The following ELMO1 variants were observed in gnomAD, a reference collection of about 807,000 sequenced individuals.
ELMO1 encodes engulfment and cell motility 1.
Under a neutral mutation model 98.9 loss-of-function variants are expected in ELMO1, and 26 were observed. The observed-to-expected ratio is 0.26, with a 90% CI of 0.19 to 0.36. The LOEUF (loss-of-function observed/expected upper bound fraction) is 0.36, where lower values mean the gene tolerates loss of function less well. ELMO1 is among the 10% of genes least tolerant of loss of function. The probability of loss-of-function intolerance (pLI) is 1.00; values close to 1 mark genes in which losing one functional copy is unlikely to be tolerated. For missense variants in ELMO1, 627 were observed against 935.2 expected (o/e 0.67, Z 4.30); for synonymous variants, 346 against 346.0 (o/e 1.00, Z 0.00).
chr7:36,969,988 A>T (rs1789774467), intron 16 of ELMO1, among the ~76,000 whole-genome samples: 1 of 152,134 alleles, frequency 6.6e-6, no homozygotes, highest in African/African-American at 2.4e-5. Context: ...AAATTATTAT[A>T]AAAGTCAAAC....
chr7:36,959,446 T>C (rs996844545), intron 16 of ELMO1, among the ~76,000 whole-genome samples: 4 of 152,136 alleles, frequency 2.6e-5, no homozygotes, highest in Non-Finnish European at 4.4e-5. Flanking sequence ...GCTCATAAAA[T>C]AATACCCCAA....
chr7:36,957,842 C>T lies in ELMO1; in HGVS notation c.1437+55457G>A, dbSNP rs140662023. On this transcript the variant is annotated intron_variant, in intron 16 of 21. Coordinates refer to ENST00000310758, the MANE Select transcript of ELMO1 (RefSeq NM_014800.11). ...GACACAACATCCTGTTCCCAAATACCTCGCTTTGCATGTAGCCCCAGCAGC... is the reference window on the plus strand; with the variant it reads ...GACACAACATCCTGTTCCCAAATACTTCGCTTTGCATGTAGCCCCAGCAGC... 2.3e-3 allele frequency among the ~76,000 whole-genome samples: 357 copies of T among 152,288 alleles called. 1 individual carries two copies. The highest frequency in any genetic ancestry group is 3.7e-3 in the Non-Finnish European group (254 of 68,020).
chr7:37,298,336 G>A (rs1242084487), intron 4 of ELMO1, among the ~76,000 whole-genome samples: 4 of 137,790 alleles, frequency 2.9e-5, no homozygotes, highest in Non-Finnish European at 4.6e-5. Context: ...AAGTTTTAGG[G>A]TACATGTGCA....
chr7:37,033,132 T>A (rs1005427662), intron 15 of ELMO1, among the ~76,000 whole-genome samples: 3 of 152,148 alleles, frequency 2.0e-5, no homozygotes, highest in African/African-American at 4.8e-5. Flanking sequence ...AATCGCTGTC[T>A]CCTGGAAGCC....
intron 1 of ELMO1, among the ~76,000 whole-genome samples, chr7:37,420,455 G>A (rs551806708): frequency 1.6e-4 from 25 of 152,214 alleles, no homozygotes; most frequent in Admixed American, 5.9e-4. Context: ...TTCATAAAGG[G>A]GGCTCCACAA....
chr7:36,994,557 C>T (rs569048599), intron 16 of ELMO1, among the ~76,000 whole-genome samples: 1 of 152,344 alleles, frequency 6.6e-6, no homozygotes, highest in African/African-American at 2.4e-5. Context: ...TAGGTACAGC[C>T]ATGGGGATGA....
intron 1 of ELMO1, among the ~76,000 whole-genome samples, chr7:37,354,721 C>A (rs968609390): frequency 2.0e-5 from 3 of 152,198 alleles, no homozygotes; most frequent in Non-Finnish European, 4.4e-5. Context: ...GTGATGTGTG[C>A]AGACAGTCCC....
chr7:37,177,856 G>A (rs1790579266), intron 13 of ELMO1, among the ~76,000 whole-genome samples: 1 of 152,132 alleles, frequency 6.6e-6, no homozygotes, highest in Non-Finnish European at 1.5e-5. Flanking sequence ...GTATTTGAAG[G>A]GGAGGTTTAC....
intron 13 of ELMO1, chr7:37,204,176 G>T: frequency 2.2e-6 from 1 of 456,468 alleles, no homozygotes; most frequent in East Asian, 6.9e-5. Context: ...TGGCCAAAAT[G>T]TGTCTGGAAT....
chr7:37,061,444 C>G (rs545532327), intron 15 of ELMO1, among the ~76,000 whole-genome samples: 5 of 152,134 alleles, frequency 3.3e-5, no homozygotes, highest in Non-Finnish European at 1.5e-5. Flanking sequence ...ACTAGAGTTG[C>G]CCCCAGAATT....
At chr7:37,230,717 T>A (rs964028076) in intron 8 of ELMO1, among the ~76,000 whole-genome samples, 9 of 152,246 alleles carry the variant, frequency 5.9e-5, no homozygotes, top group African/African-American at 2.2e-4. Context: ...ACTCTGGAGG[T>A]AGAAAAGAAA....
Position 37,288,361 on chromosome 7 carries a change from A to G in ELMO1, c.193-16479T>C, listed in dbSNP as rs752380925. On this transcript the variant is annotated intron_variant, in intron 4 of 21. Transcript: ENST00000310758. The stretch of plus-strand genomic sequence containing the variant: ...TGCCTCAGCCTCCCAAGTAGCTGGA[A>G]TTACAGGCATGCGCCACCATGCCCG... Among the ~76,000 whole-genome samples, 5 of 152,296 alleles carry G rather than the reference A, an allele frequency of 3.3e-5. No homozygotes were observed. In the Middle Eastern group the frequency reaches 0.01, roughly 311 times the overall value.
At chr7:37,066,090 C>T (rs1796945935) in intron 15 of ELMO1, among the ~76,000 whole-genome samples, 1 of 152,210 alleles carries the variant, frequency 6.6e-6, no homozygotes, top group African/African-American at 2.4e-5. Flanking sequence ...TCCTCATTCA[C>T]CTTCAGCCAT....
chr7:37,011,567 A>T (rs1793562110), intron 16 of ELMO1, among the ~76,000 whole-genome samples: 1 of 152,232 alleles, frequency 6.6e-6, no homozygotes, highest in African/African-American at 2.4e-5. Flanking sequence ...ATTATTCTGC[A>T]AAATGCAGAA....
chr7:37,414,351 G>A (rs545466530), intron 1 of ELMO1, among the ~76,000 whole-genome samples: 4 of 152,256 alleles, frequency 2.6e-5, no homozygotes, highest in South Asian at 2.1e-4. Flanking sequence ...AAAAATATCC[G>A]AGGGGGAAAA....
chr7:37,262,046 A>G (rs1796003191), intron 5 of ELMO1, among the ~76,000 whole-genome samples: 1 of 152,218 alleles, frequency 6.6e-6, no homozygotes, highest in African/African-American at 2.4e-5. Context: ...AAACAAAGAA[A>G]AAGTCAATAA....
At chr7:37,382,805 T>C (rs1193980430) in intron 1 of ELMO1, among the ~76,000 whole-genome samples, 1 of 152,078 alleles carries the variant, frequency 6.6e-6, no homozygotes, top group Non-Finnish European at 1.5e-5. Flanking sequence ...TCCACAGAGA[T>C]ACTCATCACT....
intron 16 of ELMO1, among the ~76,000 whole-genome samples, chr7:36,949,852 CCCT>C (rs1295207362): frequency 1.5e-4 from 23 of 152,274 alleles, no homozygotes; most frequent in Non-Finnish European, 2.6e-4. Context: ...ATTGCGAAAT[CCCT>C]CCTCCCATTT....
At chr7:37,129,451 G>A (rs7783927) in intron 14 of ELMO1, among the ~76,000 whole-genome samples, 23,782 of 152,094 alleles carry the variant, frequency 0.16, 2,712 homozygotes, top group African/African-American at 0.32. Flanking sequence ...CACTGCCTAC[G>A]GCATATGTCC....
Sources: gnomAD v4.1 joint callset for allele counts (sites outside exome capture counted in the v4.1 genomes callset) on GRCh38, gnomAD v4.1.1 for gene constraint, MANE v1.5 for transcripts, NCBI Gene and HGNC (gene_info 2026-07-23, HGNC 2026-07-21) for gene names.